FTO: variants seen among roughly 807,000 people sequenced by gnomAD.
FTO encodes the protein alpha-ketoglutarate-dependent dioxygenase FTO.
FTO carries 47 observed loss-of-function variants against 63.9 expected under a neutral mutation model. The observed-to-expected ratio is 0.74, with a 90% CI of 0.58 to 0.94. The LOEUF (loss-of-function observed/expected upper bound fraction) is 0.94. FTO is among the 40% of genes least tolerant of loss of function. The probability of loss-of-function intolerance (pLI) is 0.00; values close to 1 mark genes in which losing one functional copy is unlikely to be tolerated. For missense variants in FTO, 562 were observed against 618.1 expected, an observed-to-expected ratio of 0.91 and a Z score of 0.96; for synonymous variants, 207 against 224.4, an observed-to-expected ratio of 0.92 and a Z score of 0.69.
intron 1 of FTO, among the ~76,000 whole-genome samples, chr16:53,775,771 G>A (rs2077444433): frequency 6.6e-6 from 1 of 152,100 alleles, no homozygotes; most frequent in African/African-American, 2.4e-5. Flanking sequence ...CCTTTTGCCT[G>A]CTTTTAATAG....
chr16:54,094,252 C>T (rs2086461311), intron 8 of FTO, among the ~76,000 whole-genome samples: 1 of 152,200 alleles, frequency 6.6e-6, no homozygotes, highest in African/African-American at 2.4e-5. Flanking sequence ...CCCAGTTAAC[C>T]TGAAGTTTGC....
At chr16:54,095,452 T>C (rs1311956974) in intron 8 of FTO, among the ~76,000 whole-genome samples, 12 of 152,000 alleles carry the variant, frequency 7.9e-5, no homozygotes, top group Admixed American at 4.6e-4. Flanking sequence ...TTTTTTTTTT[T>C]CATTTCTCTG....
intron 2 of FTO, among the ~76,000 whole-genome samples, chr16:53,814,058 T>G (rs2078604669): frequency 6.6e-6 from 1 of 152,174 alleles, no homozygotes; most frequent in Non-Finnish European, 1.5e-5. Flanking sequence ...CAGCCCATAT[T>G]TGTCTGACTC....
intron 8 of FTO, among the ~76,000 whole-genome samples, chr16:54,088,005 T>C (rs760652456): frequency 1.3e-5 from 2 of 152,214 alleles, no homozygotes; most frequent in Non-Finnish European, 2.9e-5. Flanking sequence ...GTCACCACCA[T>C]TTTTAGCATC....
At chr16:53,960,326 C>T (rs1053659357) in intron 8 of FTO, among the ~76,000 whole-genome samples, 2 of 152,164 alleles carry the variant, frequency 1.3e-5, no homozygotes, top group Non-Finnish European at 2.9e-5. Flanking sequence ...GTGAGTGTAT[C>T]CGTGTATAAA....
intron 4 of FTO, among the ~76,000 whole-genome samples, chr16:53,851,907 G>C (rs2079808631): frequency 6.6e-6 from 1 of 151,948 alleles, no homozygotes; most frequent in African/African-American, 2.4e-5. Flanking sequence ...GCTTTTCACT[G>C]TATTTGCGTT....
chr16:53,915,443 C>T (rs1047185255), intron 7 of FTO, among the ~76,000 whole-genome samples: 1 of 152,102 alleles, frequency 6.6e-6, no homozygotes, highest in African/African-American at 2.4e-5. Context: ...CACATATGTC[C>T]ATAGGTGCAC....
At chr16:53,743,787 C>T (rs889640833) in intron 1 of FTO, among the ~76,000 whole-genome samples, 8 of 151,672 alleles carry the variant, frequency 5.3e-5, no homozygotes, top group African/African-American at 1.9e-4. Context: ...TGCCTAGTTA[C>T]CATTTTTTTC....
At chr16:53,946,645 C>A (rs2082656898) in intron 8 of FTO, among the ~76,000 whole-genome samples, 1 of 152,028 alleles carries the variant, frequency 6.6e-6, no homozygotes, top group Non-Finnish European at 1.5e-5. Flanking sequence ...ACAAGGAAGG[C>A]TTATGTAGGG....
chr16:53,940,884 C>T (rs867263722), intron 8 of FTO, among the ~76,000 whole-genome samples: 1 of 112,694 alleles, frequency 8.9e-6, no homozygotes, highest in Middle Eastern at 5.8e-3. Flanking sequence ...TTCTCTGTGA[C>T]CCCAGCCATC....
intron 1 of FTO, among the ~76,000 whole-genome samples, chr16:53,742,154 A>T (rs2076543076): frequency 6.6e-6 from 1 of 152,080 alleles, no homozygotes; most frequent in Non-Finnish European, 1.5e-5. Flanking sequence ...CCTATACTGA[A>T]GGGGAGGAAT....
At position 53,826,055 on chromosome 16, in the gene FTO, C is replaced by G. The variant is rs770938663; in HGVS notation, c.315C>G (p.Thr105=). The G allele has an allele frequency of 1.9e-6, 3 of 1,614,148 alleles. No homozygotes were observed. The highest frequency in any genetic ancestry group is 2.5e-6 in the Non-Finnish European group (3 of 1,180,026). Residue 105 remains threonine, a synonymous_variant, in exon 3 of 9, where the codon ACC becomes ACG. Coordinates refer to ENST00000471389, the MANE Select transcript of FTO (RefSeq NM_001080432.3). ...SRILIGNPGC[T]YKYLNTRLFT... is the part of the protein sequence containing the mutation. The stretch of plus-strand genomic sequence containing the variant: ...TCCTCATTGGTAATCCAGGCTGCAC[C>G]TACAAGTACCTGAACACCAGGCTCT...
chr16:54,040,713 A>G (rs1427217880), intron 8 of FTO: 1 of 152,228 alleles, frequency 6.6e-6, no homozygotes, highest in Non-Finnish European at 1.5e-5. Context: ...CTGAGGCTGG[A>G]ATGGGCTTAA....
intron 8 of FTO, among the ~76,000 whole-genome samples, chr16:54,083,783 T>A (rs2086202396): frequency 6.6e-6 from 1 of 152,188 alleles, no homozygotes; most frequent in South Asian, 2.1e-4. Context: ...TTGGAAAGTT[T>A]GCGGGGGCTG....
intron 5 of FTO, among the ~76,000 whole-genome samples, chr16:53,876,433 A>T (rs1830025911): frequency 6.6e-6 from 1 of 152,224 alleles, no homozygotes; most frequent in Admixed American, 6.5e-5. Context: ...AAAACAGATA[A>T]ATTGGCCTTC....
intron 8 of FTO, among the ~76,000 whole-genome samples, chr16:54,092,701 G>A (rs769887621): frequency 2.6e-5 from 4 of 152,122 alleles, no homozygotes; most frequent in Admixed American, 6.5e-5. Flanking sequence ...GTTAGCAACC[G>A]TAATTCCCAG....
At chr16:53,881,162 A>T (rs1013076141) in intron 6 of FTO, among the ~76,000 whole-genome samples, 4 of 131,950 alleles carry the variant, frequency 3.0e-5, no homozygotes, top group Non-Finnish European at 6.2e-5. Context: ...AAAATAAAAT[A>T]AAAAAGAATT....
At chr16:53,952,528 T>G (rs2082824395) in intron 8 of FTO, among the ~76,000 whole-genome samples, 1 of 152,184 alleles carries the variant, frequency 6.6e-6, no homozygotes, top group South Asian at 2.1e-4. Context: ...ACTTCCCATA[T>G]TTTCGTACTT....
At chr16:53,768,785 T>C (rs932075348) in intron 1 of FTO, among the ~76,000 whole-genome samples, 1 of 152,156 alleles carries the variant, frequency 6.6e-6, no homozygotes, top group Non-Finnish European at 1.5e-5. Context: ...ACTTGCCTTG[T>C]TTTTTTGTTT....
Sources: gnomAD v4.1 joint callset for allele counts (sites outside exome capture counted in the v4.1 genomes callset) on GRCh38, gnomAD v4.1.1 for gene constraint, MANE v1.5 for transcripts, NCBI Gene and HGNC (gene_info 2026-07-23, HGNC 2026-07-21) for gene names.